IRAG1: variants seen among roughly 807,000 people sequenced by gnomAD.
IRAG1 encodes inositol 1,4,5-triphosphate receptor associated 1, also known as IP3R-associated cGMP kinase substrate.
A neutral mutation model predicts 106.2 loss-of-function variants in IRAG1; 62 were observed. The observed-to-expected ratio is 0.58, with a 90% confidence interval of 0.48 to 0.72. The LOEUF (loss-of-function observed/expected upper bound fraction) is 0.72, where lower values mean the gene tolerates loss of function less well. Ranked by LOEUF, IRAG1 falls within the 30% of genes least tolerant of loss-of-function variation. The probability of loss-of-function intolerance (pLI) is 0.00; values close to 1 mark genes in which losing one functional copy is unlikely to be tolerated. For missense variants in IRAG1, 1,064 were observed against 1,140.7 expected (o/e 0.93, Z 0.97); for synonymous variants, 462 against 443.9 (o/e 1.04, Z -0.51).
chr11:10,630,040 C>T, intron 4 of IRAG1: 1 of 263,790 alleles, frequency 3.8e-6, no homozygotes, highest in Admixed American at 4.9e-5. Flanking sequence ...TGCATTCTTG[C>T]TTCTGGCCTG....
At position 10,626,751 on chromosome 11, in the gene IRAG1, C is replaced by G. The variant is rs548804043; in HGVS notation, c.751-168G>C. On this transcript the variant is annotated intron_variant, in intron 8 of 20. Coordinates refer to ENST00000423302, the MANE Select transcript of IRAG1 (RefSeq NM_130385.4). ...GATGTGGAAGGAGAGGGCTTCTGCC[C>G]GAGGTTTGTCAAACAGACAGGAAAA... 5.9e-5 allele frequency among the ~76,000 whole-genome samples: 9 copies of G among 152,272 alleles called. No homozygotes were observed. In the East Asian group the frequency reaches 9.6e-4, roughly 16 times the overall value.
intron 4 of IRAG1, among the ~76,000 whole-genome samples, chr11:10,630,438 C>A (rs932513178): frequency 7.9e-5 from 12 of 151,294 alleles, no homozygotes; most frequent in Non-Finnish European, 1.5e-4. Flanking sequence ...GTGGCACAAT[C>A]TCGGCTCACT....
intron 18 of IRAG1, among the ~76,000 whole-genome samples, chr11:10,587,473 C>T (rs184877174): frequency 1.3e-5 from 2 of 152,100 alleles, no homozygotes; most frequent in African/African-American, 4.8e-5. Flanking sequence ...GGGTGGGTGG[C>T]GGGAGGGAGG....
intron 18 of IRAG1, among the ~76,000 whole-genome samples, chr11:10,589,336 T>A (rs769198392): frequency 2.0e-5 from 3 of 152,250 alleles, no homozygotes; most frequent in Non-Finnish European, 2.9e-5. Context: ...TGTATTTGTG[T>A]ATAGGACAGA....
intron 1 of IRAG1, 77 bp from the exon 2 acceptor site, chr11:10,652,259 A>T: frequency 6.3e-7 from 1 of 1,583,836 alleles, no homozygotes. Context: ...CCGGAGCCAC[A>T]AGCCACAGTG....
intron 18 of IRAG1, 39 bp downstream of exon 18, chr11:10,591,509 A>C (rs1489267242): frequency 6.5e-7 from 1 of 1,540,560 alleles, no homozygotes; most frequent in Non-Finnish European, 8.8e-7. Context: ...AAATTTCCTG[A>C]GAGATCCCTG....
At position 10,638,188 on chromosome 11, in the gene IRAG1, T is replaced by C. The variant is rs928543778; in HGVS notation, c.226-4117A>G. Among the ~76,000 whole-genome samples the C allele has an allele frequency of 3.9e-5, 6 of 152,212 alleles. No homozygotes were observed. In the East Asian group the frequency reaches 1.2e-3, roughly 29 times the overall value. ...TGTTTGCTAGTAGTGTTTACAAGTTTTTAAATTAGTTATCAACATTCCATA... is the reference window on the plus strand; with the variant it reads ...TGTTTGCTAGTAGTGTTTACAAGTTCTTAAATTAGTTATCAACATTCCATA... On this transcript the variant is annotated intron_variant, in intron 2 of 20. Coordinates refer to ENST00000423302, the MANE Select transcript of IRAG1 (RefSeq NM_130385.4).
intron 20 of IRAG1, among the ~76,000 whole-genome samples, chr11:10,576,927 G>A (rs1338928278): frequency 2.0e-5 from 3 of 152,150 alleles, no homozygotes; most frequent in African/African-American, 7.2e-5. Flanking sequence ...ACTGATATCT[G>A]CACTCTCCCA....
chr11:10,690,142 G>A (rs765099924), intron 1 of IRAG1: 1 of 252,388 alleles, frequency 4.0e-6, no homozygotes, highest in Non-Finnish European at 7.9e-6. Flanking sequence ...TATAATCCCA[G>A]ACTTTGGGAG....
chr11:10,641,981 G>A (rs570698242), intron 2 of IRAG1, among the ~76,000 whole-genome samples: 18 of 152,224 alleles, frequency 1.2e-4, no homozygotes, highest in African/African-American at 4.1e-4. Flanking sequence ...GTGCCCTGCT[G>A]GCCTCTGACA....
At chr11:10,630,662 C>T (rs185002270) in intron 4 of IRAG1, among the ~76,000 whole-genome samples, 3 of 152,330 alleles carry the variant, frequency 2.0e-5, no homozygotes, top group African/African-American at 7.2e-5. Flanking sequence ...TCTCATGCTC[C>T]TCAGTGTGGT....
chr11:10,665,200 T>C lies in IRAG1; in HGVS notation c.68-13018A>G, dbSNP rs1290788805. Reference sequence around the variant, plus strand: ...AGATCTAGAGTTGATGAGCTTACCCTAAGTTATTCCCTAACTTAGAATATC... The same window carrying C: ...AGATCTAGAGTTGATGAGCTTACCCCAAGTTATTCCCTAACTTAGAATATC... On this transcript the variant is annotated intron_variant, in intron 1 of 20. Transcript: ENST00000423302. The surrounding 1 kb of genome is among the most constrained non-coding windows in gnomAD (Gnocchi z 4.2). 6.6e-6 allele frequency among the ~76,000 whole-genome samples: 1 copy of C among 152,210 alleles called. No homozygotes were observed. The highest frequency in any genetic ancestry group is 1.5e-5 in the Non-Finnish European group (1 of 68,036).
intron 18 of IRAG1, among the ~76,000 whole-genome samples, chr11:10,591,065 T>C (rs1244802106): frequency 6.6e-6 from 1 of 152,212 alleles, no homozygotes; most frequent in Non-Finnish European, 1.5e-5. Context: ...AAACAGTCCC[T>C]TTCTTCCTCT....
At position 10,657,551 on chromosome 11, in the gene IRAG1, G is replaced by T. The variant is rs1056921793; in HGVS notation, c.68-5369C>A. ...GAGGGAAGAGCCAAGAAGCCCTTTC[G>T]GGAAACCATGGGTTAACCTAGCCTC... On this transcript the variant is annotated intron_variant, in intron 1 of 20. Transcript: ENST00000423302. This position sits in a 1 kb window ranked among gnomAD's most constrained non-coding sequence, Gnocchi z 4.1. Among the ~76,000 whole-genome samples, 1 of 152,208 alleles carries T rather than the reference G, an allele frequency of 6.6e-6. No individual in the cohort carries two copies. Among genetic ancestry groups the T allele is most frequent in the African/African-American group, 2.4e-5 (1 of 41,452 alleles).
At position 10,601,036 on chromosome 11, in the gene IRAG1, C is replaced by T. The variant is rs755592463; in HGVS notation, c.1899G>A (p.Thr633=). The T allele has an allele frequency of 1.1e-4, 181 of 1,614,046 alleles. 1 individual carries two copies. The highest frequency in any genetic ancestry group is 1.4e-4 in the Non-Finnish European group (164 of 1,179,900). The change falls in exon 15 of 21, where the codon ACG becomes ACA. Residue 633 remains threonine, a synonymous_variant. Coordinates refer to ENST00000423302, the MANE Select transcript of IRAG1 (RefSeq NM_130385.4). ...VRQEKRMSKA[T]EVMMQYVENL... Reference sequence around the variant, plus strand: ...TCTCCACATACTGCATCATCACTTCCGTTGCTTTCGACATGCGCTTTTCCT... The same window carrying T: ...TCTCCACATACTGCATCATCACTTCTGTTGCTTTCGACATGCGCTTTTCCT...
chr11:10,627,504 G>A (rs1041768729), intron 8 of IRAG1, among the ~76,000 whole-genome samples: 2 of 152,070 alleles, frequency 1.3e-5, no homozygotes, highest in African/African-American at 4.8e-5. Flanking sequence ...CCTCCACGGA[G>A]TTCACCCCCC....
At chr11:10,624,215 G>A (rs1329813845) in intron 9 of IRAG1, among the ~76,000 whole-genome samples, 1 of 152,192 alleles carries the variant, frequency 6.6e-6, no homozygotes, top group Non-Finnish European at 1.5e-5. Flanking sequence ...CTCTGGGACA[G>A]GAGGGTCCCC....
Position 10,647,765 on chromosome 11 carries a change from G to T in IRAG1, c.225+4260C>A, listed in dbSNP as rs138642796. 2.0e-5 allele frequency among the ~76,000 whole-genome samples: 3 copies of T among 152,254 alleles called. No homozygotes were observed. The East Asian group carries it at 5.8e-4, about 29-fold the overall frequency. ...AGGTAAGATTGCATCTGGAGCCTGGGGCCAGGTCTGGGGCCCTACAGTAAG... is the reference window on the plus strand; with the variant it reads ...AGGTAAGATTGCATCTGGAGCCTGGTGCCAGGTCTGGGGCCCTACAGTAAG... On this transcript the variant is annotated intron_variant, in intron 2 of 20. Coordinates refer to ENST00000423302, the MANE Select transcript of IRAG1 (RefSeq NM_130385.4). This position sits in a 1 kb window ranked among gnomAD's most constrained non-coding sequence, Gnocchi z 4.3.
At chr11:10,669,779 C>G (rs1258158261) in intron 1 of IRAG1, among the ~76,000 whole-genome samples, 1 of 152,178 alleles carries the variant, frequency 6.6e-6, no homozygotes, top group Non-Finnish European at 1.5e-5. Context: ...GGATAAAATA[C>G]TGAGCCTGCA....
Sources: allele counts gnomAD v4.1 joint callset (sites outside exome capture counted in the v4.1 genomes callset), GRCh38; gene constraint gnomAD v4.1.1; non-coding constraint Gnocchi (gnomAD v3.1); transcripts MANE v1.5; gene names NCBI Gene and HGNC (gene_info 2026-07-23, HGNC 2026-07-21).